ARHGAP42: variants seen among roughly 807,000 people sequenced by gnomAD.
ARHGAP42 encodes Rho GTPase activating protein 42, also known as rho GTPase-activating protein 42.
In ARHGAP42, 63 loss-of-function variants were observed where a neutral mutation model predicts 125.0. That is an observed-to-expected ratio of 0.50 (90% confidence interval 0.41 to 0.62). ARHGAP42 has a LOEUF of 0.62. ARHGAP42 is among the 20% of genes least tolerant of loss of function. ARHGAP42 has a pLI of 0.00. For missense variants in ARHGAP42, 766 were observed against 1,024.2 expected (o/e 0.75, Z 3.44); for synonymous variants, 339 against 351.0 (o/e 0.97, Z 0.38).
At chr11:100,888,788 C>G (rs1866154647) in intron 4 of ARHGAP42, among the ~76,000 whole-genome samples, 2 of 152,026 alleles carry the variant, frequency 1.3e-5, no homozygotes, top group Admixed American at 6.6e-5. Flanking sequence ...TGGAAGGGCC[C>G]TGGTAAAGTA....
intron 12 of ARHGAP42, 128 bp from the exon 13 acceptor site, chr11:100,959,755 A>G: frequency 1.2e-6 from 1 of 830,494 alleles, no homozygotes. Flanking sequence ...GCCTCTAACC[A>G]AAATATTTGG....
At chr11:100,789,896 G>T (rs888801850) in intron 2 of ARHGAP42, among the ~76,000 whole-genome samples, 6 of 152,144 alleles carry the variant, frequency 3.9e-5, no homozygotes, top group African/African-American at 1.4e-4. Flanking sequence ...ACTTCTGGAA[G>T]AAATTTTTAA....
intron 3 of ARHGAP42, among the ~76,000 whole-genome samples, chr11:100,857,208 T>C (rs920995341): frequency 2.0e-5 from 3 of 151,970 alleles, no homozygotes; most frequent in African/African-American, 7.2e-5. Flanking sequence ...GGTTTAACAT[T>C]AATAGAACGG....
intron 16 of ARHGAP42, 100 bp from the exon 17 acceptor site, chr11:100,965,571 T>C (rs1358402461): frequency 5.2e-6 from 5 of 963,248 alleles, no homozygotes; most frequent in East Asian, 5.3e-5. Flanking sequence ...CTATGAGGCA[T>C]GAGGGGTAGG....
chr11:100,733,765 C>G (rs1862002417), intron 1 of ARHGAP42, among the ~76,000 whole-genome samples: 2 of 122,270 alleles, frequency 1.6e-5, no homozygotes, highest in South Asian at 5.5e-4. Flanking sequence ...GCAGAGGTTG[C>G]AGTGAGTGGA....
chr11:100,886,369 A>G (rs1866093463), intron 4 of ARHGAP42, among the ~76,000 whole-genome samples: 1 of 152,208 alleles, frequency 6.6e-6, no homozygotes, highest in Non-Finnish European at 1.5e-5. Flanking sequence ...CTAATTAACC[A>G]TCTGTGGGAA....
At chr11:100,929,422 A>T (rs1450157929) in intron 6 of ARHGAP42, among the ~76,000 whole-genome samples, 2 of 152,150 alleles carry the variant, frequency 1.3e-5, no homozygotes, top group Non-Finnish European at 2.9e-5. Context: ...TTTTGTGTAG[A>T]TACATGTTTT....
chr11:100,863,759 T>C (rs1267205379), intron 4 of ARHGAP42, among the ~76,000 whole-genome samples: 4 of 152,192 alleles, frequency 2.6e-5, no homozygotes, highest in African/African-American at 4.8e-5. Context: ...CAGAATGAAA[T>C]TGTGTTACAG....
chr11:100,779,546 A>AGATACG (rs1565210691), intron 2 of ARHGAP42, among the ~76,000 whole-genome samples: 8 of 142,026 alleles, frequency 5.6e-5, no homozygotes, highest in Admixed American at 4.9e-4. Context: ...ATACGTATAT[A>AGATACG]TATACATATA....
At chr11:100,849,956 C>A (rs375278835) in intron 3 of ARHGAP42, among the ~76,000 whole-genome samples, 2 of 152,120 alleles carry the variant, frequency 1.3e-5, no homozygotes, top group South Asian at 4.1e-4. Context: ...ATTTCTCAAA[C>A]TTTAATTGGG....
chr11:100,775,273 G>A (rs914586536), intron 2 of ARHGAP42, among the ~76,000 whole-genome samples: 6 of 152,176 alleles, frequency 3.9e-5, no homozygotes, highest in African/African-American at 1.4e-4. Flanking sequence ...GGAGTACAGT[G>A]CTAGACACGC....
At chr11:100,868,418 G>C in intron 4 of ARHGAP42, among the ~76,000 whole-genome samples, 1 of 152,086 alleles carries the variant, frequency 6.6e-6, no homozygotes, top group Non-Finnish European at 1.5e-5. Flanking sequence ...GTTGCCTTAA[G>C]CACTTTACTT....
chr11:100,727,842 T>C lies in ARHGAP42; in HGVS notation c.154+40010T>C, dbSNP rs557849114. On this transcript the variant is annotated intron_variant, in intron 1 of 23. Transcript: ENST00000298815. Reference sequence around the variant, plus strand: ...ATACACTCCAGCAAATTATTGAACCTGAGGATGGTTTGTGGGAACCTCTGA... The same window carrying C: ...ATACACTCCAGCAAATTATTGAACCCGAGGATGGTTTGTGGGAACCTCTGA... Among the ~76,000 whole-genome samples, 4 of 152,328 alleles carry C rather than the reference T, an allele frequency of 2.6e-5. No individual in the cohort carries two copies. In the South Asian group the frequency reaches 8.3e-4, roughly 32 times the overall value.
chr11:100,804,658 G>A (rs1040551288), intron 3 of ARHGAP42, among the ~76,000 whole-genome samples: 2 of 151,228 alleles, frequency 1.3e-5, no homozygotes, highest in African/African-American at 4.9e-5. Context: ...GATTACAGGC[G>A]CCTGTCACCA....
intron 1 of ARHGAP42, among the ~76,000 whole-genome samples, chr11:100,749,199 C>T (rs1462501019): frequency 1.3e-5 from 2 of 152,128 alleles, no homozygotes; most frequent in South Asian, 2.1e-4. Context: ...TGAGGTTCAA[C>T]CCCCTGAAAT....
chr11:100,850,127 A>G (rs545187508), intron 3 of ARHGAP42, among the ~76,000 whole-genome samples: 1 of 152,342 alleles, frequency 6.6e-6, no homozygotes, highest in Admixed American at 6.5e-5. Context: ...TATCACACAC[A>G]TAAACATGGC....
intron 2 of ARHGAP42, among the ~76,000 whole-genome samples, chr11:100,779,991 A>G (rs1431922169): frequency 3.3e-5 from 5 of 151,772 alleles, no homozygotes; most frequent in Admixed American, 1.3e-4. Flanking sequence ...GCGCCACTGC[A>G]CTCTAGCCTG....
At chr11:100,942,338 A>G (rs550565603) in intron 9 of ARHGAP42, among the ~76,000 whole-genome samples, 16 of 152,172 alleles carry the variant, frequency 1.1e-4, no homozygotes, top group Non-Finnish European at 1.8e-4. Context: ...ATGCTGGCTA[A>G]CAAGCTTTCT....
chr11:100,904,956 G>C (rs1866680187), intron 4 of ARHGAP42, among the ~76,000 whole-genome samples: 1 of 152,182 alleles, frequency 6.6e-6, no homozygotes, highest in Non-Finnish European at 1.5e-5. Flanking sequence ...CTGAGCATCA[G>C]TACCAGTCAC....
Sources: gnomAD v4.1 joint callset for allele counts (sites outside exome capture counted in the v4.1 genomes callset) on GRCh38, gnomAD v4.1.1 for gene constraint, MANE v1.5 for transcripts, NCBI Gene and HGNC (gene_info 2026-07-23, HGNC 2026-07-21) for gene names.